The following MOCS1 variants were observed in gnomAD, a reference collection of about 807,000 sequenced individuals.
MOCS1 encodes the protein molybdenum cofactor biosynthesis protein 1.
Under a neutral mutation model 57.6 loss-of-function variants are expected in MOCS1, and 39 were observed. The ratio of observed to expected loss-of-function variants is 0.68; its 90% CI spans 0.52 to 0.88. The LOEUF is 0.88. Ranked by LOEUF, MOCS1 falls within the 40% of genes least tolerant of loss-of-function variation. MOCS1 has a pLI of 0.00. For synonymous variants in MOCS1, 334 were observed against 335.7 expected (o/e 1.00, Z 0.05); for missense variants, 795 against 831.1 (o/e 0.96, Z 0.53).
intron 1 of MOCS1, among the ~76,000 whole-genome samples, chr6:39,933,527 T>C (rs1359327365): frequency 2.0e-5 from 3 of 152,086 alleles, no homozygotes; most frequent in Non-Finnish European, 4.4e-5. Flanking sequence ...AACGCCTAGA[T>C]AGGTACCGAA....
At position 39,904,919 on chromosome 6, in the gene MOCS1, C is replaced by T. The variant is rs1350237182; in HGVS notation, c.*1438G>A. 2 of 454,010 alleles carry T rather than the reference C, an allele frequency of 4.4e-6. No homozygotes were observed. Among genetic ancestry groups the T allele is most frequent in the East Asian group, 6.9e-5 (1 of 14,404 alleles). 28.1% of individuals were successfully genotyped at this position (454,010 alleles called of 1,614,324 possible). On this transcript the variant is annotated 3_prime_UTR_variant, in exon 11 of 11. Transcript: ENST00000340692. The stretch of plus-strand genomic sequence containing the variant: ...TTCCTATGAGGGGATCTGGGGTGGG[C>T]TGAGAGTGTGCTGGAGCCAGCTTGT...
chr6:39,917,402 A>T (rs1208237225), intron 3 of MOCS1, among the ~76,000 whole-genome samples: 1 of 152,154 alleles, frequency 6.6e-6, no homozygotes, highest in Non-Finnish European at 1.5e-5. Context: ...CCCTCCCATG[A>T]CACGTGGGGA....
At chr6:39,918,077 T>C (rs899317676) in intron 3 of MOCS1, among the ~76,000 whole-genome samples, 3 of 152,238 alleles carry the variant, frequency 2.0e-5, no homozygotes, top group Admixed American at 2.0e-4. Flanking sequence ...TATTTATAGG[T>C]AAAATTTCTT....
intron 10 of MOCS1, among the ~76,000 whole-genome samples, chr6:39,908,220 C>G (rs1767075774): frequency 6.6e-6 from 1 of 152,234 alleles, no homozygotes. Flanking sequence ...ACTGAGTTCC[C>G]TCTGCTCTAA....
chr6:39,913,877 T>C (rs751208508), intron 4 of MOCS1, 42 bp from the exon 5 acceptor site: 2 of 1,595,196 alleles, frequency 1.3e-6, no homozygotes, highest in African/African-American at 2.7e-5. Context: ...CTGTCCTCTC[T>C]CCTCTTCCCC....
chr6:39,917,350 T>G (rs180973333), intron 3 of MOCS1, among the ~76,000 whole-genome samples: 1 of 152,256 alleles, frequency 6.6e-6, no homozygotes, highest in African/African-American at 2.4e-5. Context: ...GAGAACAGCA[T>G]GAGGGTAACC....
At chr6:39,913,571 G>T in intron 5 of MOCS1, 143 bp from the exon 6 acceptor site, 1 of 950,656 alleles carries the variant, frequency 1.1e-6, no homozygotes, top group Non-Finnish European at 1.7e-6. Context: ...TAAGTTACGG[G>T]ATTCCTTGGG....
intron 1 of MOCS1, 35 bp downstream of exon 1, chr6:39,934,260 C>A: frequency 6.6e-7 from 1 of 1,516,550 alleles, no homozygotes; most frequent in East Asian, 2.4e-5. Context: ...CACTCCTGCC[C>A]CGGGAAGCTG....
rs1766754971 is a variant in MOCS1 at position 39,904,962 on chromosome 6, C to CAATT, written c.*1391_*1394dup. 2 of 453,780 alleles carry CAATT rather than the reference C, an allele frequency of 4.4e-6. No homozygotes were observed. The highest frequency in any genetic ancestry group is 6.9e-4 in the Middle Eastern group (1 of 1,444). The allele number at this position is 453,780 out of a possible 1,614,324, so 28.1% of individuals were successfully genotyped here. ...CAGCTTGTACCAGCTCTGTGAGAACCAATTGTTTACATTTTCAGAAATTTT... is the reference window on the plus strand; with the variant it reads ...CAGCTTGTACCAGCTCTGTGAGAACCAATTAATTGTTTACATTTTCAGAAATTTT... On this transcript the variant is annotated 3_prime_UTR_variant, in exon 11 of 11. Coordinates refer to ENST00000340692, the MANE Select transcript of MOCS1 (RefSeq NM_001358530.2).
chr6:39,909,557 T>A (rs1767188692), intron 9 of MOCS1, among the ~76,000 whole-genome samples: 1 of 151,980 alleles, frequency 6.6e-6, no homozygotes, highest in Non-Finnish European at 1.5e-5. Flanking sequence ...AAAGAAGCAA[T>A]GACACCCCCT....
chr6:39,909,023 G>T, intron 10 of MOCS1, 32 bp downstream of exon 10: 2 of 1,604,982 alleles, frequency 1.2e-6, no homozygotes, highest in Non-Finnish European at 1.7e-6. Flanking sequence ...AAATGACAAG[G>T]GTGAGTGGTT....
chr6:39,919,451 G>T (rs528729263), intron 3 of MOCS1, among the ~76,000 whole-genome samples: 1 of 152,010 alleles, frequency 6.6e-6, no homozygotes, highest in East Asian at 1.9e-4. Context: ...TCGTGTCATT[G>T]CACTCCAGCC....
At position 39,906,698 on chromosome 6, in the gene MOCS1, G is replaced by T. The variant is rs145526940; in HGVS notation, c.1570C>A (p.Gln524Lys). 6 of 1,614,070 alleles carry T rather than the reference G, an allele frequency of 3.7e-6. No homozygotes were observed. The African/African-American group carries it at 8.0e-5, about 22-fold the overall frequency. Reference protein sequence around the residue: ...LGPVAFKLVQQNQLKKGDALV... With the variant: ...LGPVAFKLVQKNQLKKGDALV... ...GCATCTCCTTTCTTGAGCTGGTTCT[G>T]CTGGACAAGCTTGAAGGCTACCGGT... The change falls in exon 11 of 11, where the codon CAG (glutamine) becomes AAG (lysine). Residue 524 changes from glutamine (Q) to lysine (K), a missense_variant. Transcript: ENST00000340692.
At chr6:39,934,144 C>A (rs967629751) in intron 1 of MOCS1, 151 bp downstream of exon 1, 2 of 1,105,458 alleles carry the variant, frequency 1.8e-6, no homozygotes, top group Non-Finnish European at 2.5e-6. Context: ...CCGGGCGGTC[C>A]ATCTGGAGAA....
At chr6:39,916,678 A>C (rs1767677385) in intron 3 of MOCS1, among the ~76,000 whole-genome samples, 2 of 152,226 alleles carry the variant, frequency 1.3e-5, no homozygotes. Flanking sequence ...AAGTGTTTGA[A>C]TTAAGTGCTA....
Position 39,925,813 on chromosome 6 carries a change from G to T in MOCS1, c.283C>A (p.Leu95Met), listed in dbSNP as rs1334655851. 15 of 1,612,580 alleles carry T rather than the reference G, an allele frequency of 9.3e-6. No individual in the cohort carries two copies. The South Asian group carries it at 1.6e-4, about 18-fold the overall frequency. ...GTCAGCAGGTTGGCTTTGGGGGTCAGCGGGACCCCCTCCTCGGGCATGCAG... is the reference window on the plus strand; with the variant it reads ...GTCAGCAGGTTGGCTTTGGGGGTCATCGGGACCCCCTCCTCGGGCATGCAG... Reference protein sequence around the residue: ...QYCMPEEGVPLTPKANLLTTE... With the variant: ...QYCMPEEGVPMTPKANLLTTE... The change falls in exon 3 of 11, where the codon CTG becomes ATG. Residue 95 changes from leucine to methionine, a missense_variant. Leu to Met is a conservative substitution (Grantham distance 15, BLOSUM62 2). Around this residue, in one of 3 missense-constraint regions of MOCS1, gnomAD observed 416 missense variants for 392.4 expected, o/e 1.06. Coordinates refer to ENST00000340692, the MANE Select transcript of MOCS1 (RefSeq NM_001358530.2).
intron 8 of MOCS1, among the ~76,000 whole-genome samples, chr6:39,911,397 C>G (rs1188894415): frequency 1.3e-5 from 2 of 152,302 alleles, no homozygotes; most frequent in African/African-American, 4.8e-5. Flanking sequence ...CATTACCAAG[C>G]TCTCTGAGTC....
At chr6:39,928,062 C>A (rs1768439017) in intron 1 of MOCS1, among the ~76,000 whole-genome samples, 1 of 152,110 alleles carries the variant, frequency 6.6e-6, no homozygotes, top group Non-Finnish European at 1.5e-5. Flanking sequence ...CTGTTTCATT[C>A]CCACACCCAC....
chr6:39,914,828 TGG>T (rs1767562569), intron 4 of MOCS1, among the ~76,000 whole-genome samples: 1 of 152,158 alleles, frequency 6.6e-6, no homozygotes, highest in South Asian at 2.1e-4. Context: ...AGAGTATGAA[TGG>T]GAGGGAAGAT....
Sources: gnomAD v4.1 joint callset for allele counts (sites outside exome capture counted in the v4.1 genomes callset) on GRCh38, gnomAD v4.1.1 for gene constraint, gnomAD v4.1.1 regional missense constraint, MANE v1.5 for transcripts, NCBI Gene and HGNC (gene_info 2026-07-23, HGNC 2026-07-21) for gene names.